The following SAR1B variants were observed in gnomAD, a reference collection of about 807,000 sequenced individuals.
The protein encoded by SAR1B is secretion associated Ras related GTPase 1B.
A neutral mutation model predicts 26.8 loss-of-function variants in SAR1B; 23 were observed. That is an observed-to-expected ratio of 0.86 (90% CI 0.62 to 1.22). The LOEUF (loss-of-function observed/expected upper bound fraction) is 1.22. SAR1B is among the 50% of genes most tolerant of loss of function. The probability of loss-of-function intolerance (pLI) is 0.00; values close to 1 mark genes in which losing one functional copy is unlikely to be tolerated. For missense variants in SAR1B, 196 were observed against 232.8 expected (o/e 0.84, Z 1.03); for synonymous variants, 65 against 80.8 (o/e 0.80, Z 1.05).
chr5:134,621,383 T>A (rs1366952290), intron 2 of SAR1B, among the ~76,000 whole-genome samples: 2 of 152,070 alleles, frequency 1.3e-5, no homozygotes, highest in Non-Finnish European at 2.9e-5. Context: ...GGCAGGAGAA[T>A]CACTGGAACC....
At position 134,606,817 on chromosome 5, in the gene SAR1B, T is replaced by C; in HGVS notation, c.*133A>G. The C allele has an allele frequency of 1.4e-6, 1 of 725,630 alleles. No homozygotes were observed. The highest frequency in any genetic ancestry group is 2.5e-6 in the Non-Finnish European group (1 of 392,270). The allele number at this position is 725,630 out of a possible 1,614,324, so 44.9% of individuals were successfully genotyped here. A position where few individuals can be genotyped will look rare whatever the true frequency, so the allele number is the denominator to read the frequency against. On this transcript the variant is annotated 3_prime_UTR_variant, in exon 7 of 7. Transcript: ENST00000402673. ...TCAATTCTCATTCAAATTAAGTTGA[T>C]TTAATATTAATAATCTAAAAAACAT...
At chr5:134,607,137 T>C (rs1580645220) in intron 6 of SAR1B, 71 bp from the exon 7 acceptor site, 1 of 969,194 alleles carries the variant, frequency 1.0e-6, no homozygotes, top group East Asian at 2.4e-5. Flanking sequence ...AGCAGAATTA[T>C]AGGTTCTATT....
rs997108762 is a variant in SAR1B, at chr5:134,606,082, A to G, written c.*868T>C. Reference sequence around the variant, plus strand: ...TTCAGAATTAGACAGCTGGGATGGAACTATAGAGCCTACCAAACTGAGAAT... The same window carrying G: ...TTCAGAATTAGACAGCTGGGATGGAGCTATAGAGCCTACCAAACTGAGAAT... On this transcript the variant is annotated 3_prime_UTR_variant, in exon 7 of 7. Coordinates refer to ENST00000402673, the MANE Select transcript of SAR1B (RefSeq NM_016103.4). 3 of 152,242 alleles carry G rather than the reference A, an allele frequency of 2.0e-5. No homozygotes were observed. The highest frequency in any genetic ancestry group is 7.2e-5 in the African/African-American group (3 of 41,446). 9.4% of individuals were successfully genotyped at this position (152,242 alleles called of 1,614,324 possible). A position where few individuals can be genotyped will look rare whatever the true frequency, so the allele number is the denominator to read the frequency against.
chr5:134,609,266 T>C lies in SAR1B; in HGVS notation c.348+305A>G, dbSNP rs892353145. The C allele has an allele frequency of 9.2e-6, 4 of 435,964 alleles. No homozygotes were observed. In the Admixed American group the frequency reaches 1.3e-4, roughly 14 times the overall value. The allele number at this position is 435,964 out of a possible 1,614,324, so 27.0% of individuals were successfully genotyped here. On this transcript the variant is annotated intron_variant, in intron 5 of 6. Coordinates refer to ENST00000402673, the MANE Select transcript of SAR1B (RefSeq NM_016103.4). ...TCTTAGCATGACCAGGGACTCAAGA[T>C]CAACCCACTCCAGGAATATAACAGA... is the stretch of plus-strand genomic sequence containing the variant.
chr5:134,617,988 A>T (rs528216855), intron 3 of SAR1B, among the ~76,000 whole-genome samples: 1 of 151,980 alleles, frequency 6.6e-6, no homozygotes, highest in South Asian at 2.1e-4. Context: ...TCAGAATCTT[A>T]CTTGCCAAGC....
intron 1 of SAR1B, chr5:134,632,254 T>C (rs944084315): frequency 2.6e-5 from 4 of 152,156 alleles, no homozygotes; most frequent in African/African-American, 7.2e-5. Context: ...TACAGTTTTC[T>C]CAACAGTGTA....
At position 134,606,878 on chromosome 5, in the gene SAR1B, GT is replaced by G; in HGVS notation, c.*71del. On this transcript the variant is annotated 3_prime_UTR_variant, in exon 7 of 7. Transcript: ENST00000402673. ...ACCAGCAAAAGTCTATTGAATTCAA[GT>G]TATGCATGTTGAGCAATCAAATCTC... 1.1e-6 allele frequency: 1 copy of G among 922,404 alleles called. No homozygotes were observed. Among genetic ancestry groups the G allele is most frequent in the South Asian group, 1.3e-5 (1 of 77,030 alleles). The allele number at this position is 922,404 out of a possible 1,614,324, so 57.1% of individuals were successfully genotyped here. A position where few individuals can be genotyped will look rare whatever the true frequency, so the allele number is the denominator to read the frequency against.
At chr5:134,617,908 G>T (rs1765340763) in intron 3 of SAR1B, among the ~76,000 whole-genome samples, 1 of 151,960 alleles carries the variant, frequency 6.6e-6, no homozygotes, top group African/African-American at 2.4e-5. Context: ...AAATTACGCT[G>T]TTTTTGCAGA....
chr5:134,608,586 G>C, intron 5 of SAR1B, 83 bp from the exon 6 acceptor site: 2 of 1,444,642 alleles, frequency 1.4e-6, no homozygotes, highest in Non-Finnish European at 1.9e-6. Context: ...AACAATAAAG[G>C]ACTCATTTTC....
chr5:134,624,166 T>C, intron 1 of SAR1B, 129 bp from the exon 2 acceptor site: 1 of 680,288 alleles, frequency 1.5e-6, no homozygotes. Flanking sequence ...TTACACACTT[T>C]GGGAAGCTGA....
intron 3 of SAR1B, among the ~76,000 whole-genome samples, chr5:134,617,618 C>G (rs1765335468): frequency 6.6e-6 from 1 of 152,078 alleles, no homozygotes; most frequent in South Asian, 2.1e-4. Context: ...TGACTTACAC[C>G]TAATATTTAA....
At chr5:134,631,214 C>A (rs971735254) in intron 1 of SAR1B, among the ~76,000 whole-genome samples, 1 of 151,970 alleles carries the variant, frequency 6.6e-6, no homozygotes, top group Non-Finnish European at 1.5e-5. Flanking sequence ...TTAAAATATA[C>A]CTTATTTAAA....
intron 3 of SAR1B, chr5:134,618,347 C>T (rs1007145401): frequency 3.9e-5 from 6 of 152,052 alleles, no homozygotes; most frequent in African/African-American, 1.2e-4. Flanking sequence ...AAAGATTTGT[C>T]AATTTCCTTT....
chr5:134,618,635 C>T (rs1182005992), intron 3 of SAR1B, among the ~76,000 whole-genome samples: 1 of 152,184 alleles, frequency 6.6e-6, no homozygotes, highest in Non-Finnish European at 1.5e-5. Flanking sequence ...ATAATTTACC[C>T]ACTTTAACAT....
intron 3 of SAR1B, among the ~76,000 whole-genome samples, chr5:134,620,072 C>T (rs751268482): frequency 1.8e-4 from 28 of 151,514 alleles, no homozygotes; most frequent in African/African-American, 3.6e-4. Context: ...TTTGGGAGGC[C>T]GAGGAAGGCG....
intron 4 of SAR1B, among the ~76,000 whole-genome samples, chr5:134,610,351 G>A (rs989293142): frequency 2.6e-5 from 4 of 152,070 alleles, no homozygotes; most frequent in Non-Finnish European, 4.4e-5. Flanking sequence ...GCTCATGCCT[G>A]TAATCCCAGC....
At chr5:134,615,846 C>A (rs1765303984) in intron 3 of SAR1B, among the ~76,000 whole-genome samples, 2 of 147,634 alleles carry the variant, frequency 1.4e-5, no homozygotes, top group Admixed American at 6.8e-5. Flanking sequence ...TAAAGAAATT[C>A]TGTATGTAGG....
At position 134,605,000 on chromosome 5, in the gene SAR1B, T is replaced by C. The variant is rs1561782654; in HGVS notation, c.*1950A>G. On this transcript the variant is annotated 3_prime_UTR_variant, in exon 7 of 7. Coordinates refer to ENST00000402673, the MANE Select transcript of SAR1B (RefSeq NM_016103.4). Reference sequence around the variant, plus strand: ...TGTTCTACTTTTCCCATAGTGTTACTGAGGTTTCCAGGAAGGGAGGGAGCA... The same window carrying C: ...TGTTCTACTTTTCCCATAGTGTTACCGAGGTTTCCAGGAAGGGAGGGAGCA... 6.6e-6 allele frequency: 1 copy of C among 152,234 alleles called. No homozygotes were observed. The highest frequency in any genetic ancestry group is 1.5e-5 in the Non-Finnish European group (1 of 68,034). 9.4% of individuals were successfully genotyped at this position (152,234 alleles called of 1,614,324 possible). A position where few individuals can be genotyped will look rare whatever the true frequency, so the allele number is the denominator to read the frequency against.
Position 134,602,777 on chromosome 5 carries a change from G to A in SAR1B, c.*4173C>T, listed in dbSNP as rs1473548868. On this transcript the variant is annotated 3_prime_UTR_variant, in exon 7 of 7. Coordinates refer to ENST00000402673, the MANE Select transcript of SAR1B (RefSeq NM_016103.4). Reference sequence around the variant, plus strand: ...CCTGTAATCCCAGCTACTCGGGATGGTGAGGCACGAGAATCGCTTGAACCT... The same window carrying A: ...CCTGTAATCCCAGCTACTCGGGATGATGAGGCACGAGAATCGCTTGAACCT... 6.6e-6 allele frequency: 1 copy of A among 151,990 alleles called. No individual in the cohort carries two copies. The highest frequency in any genetic ancestry group is 1.5e-5 in the Non-Finnish European group (1 of 68,008). 9.4% of individuals were successfully genotyped at this position (151,990 alleles called of 1,614,324 possible). A position where few individuals can be genotyped will look rare whatever the true frequency, so the allele number is the denominator to read the frequency against.
Sources: allele counts gnomAD v4.1 joint callset (sites outside exome capture counted in the v4.1 genomes callset), GRCh38; gene constraint gnomAD v4.1.1; transcripts MANE v1.5; gene names NCBI Gene and HGNC (gene_info 2026-07-23, HGNC 2026-07-21).